Variants in ZNRF2 observed in about 807,000 individuals in gnomAD.
ZNRF2 encodes the protein zinc and ring finger 2.
In ZNRF2, 16 loss-of-function variants were observed where a neutral mutation model predicts 20.4. The observed-to-expected ratio is 0.79, with a 90% confidence interval of 0.53 to 1.19. The LOEUF (loss-of-function observed/expected upper bound fraction) is 1.19, where lower values mean the gene tolerates loss of function less well. ZNRF2 is among the 50% of genes most tolerant of loss of function. ZNRF2 has a pLI of 0.00. For synonymous variants in ZNRF2, 178 were observed against 144.9 expected, an observed-to-expected ratio of 1.23 and a Z score of -1.64; for missense variants, 363 against 332.4, an observed-to-expected ratio of 1.09 and a Z score of -0.72.
At chr7:30,345,767 A>G (rs1799866770) in intron 2 of ZNRF2, among the ~76,000 whole-genome samples, 1 of 152,070 alleles carries the variant, frequency 6.6e-6, no homozygotes, top group Non-Finnish European at 1.5e-5. Context: ...CCCACCCTCC[A>G]CTGCCTCTCT....
chr7:30,315,179 T>C (rs1438518412), intron 1 of ZNRF2, among the ~76,000 whole-genome samples: 3 of 152,164 alleles, frequency 2.0e-5, no homozygotes, highest in African/African-American at 7.2e-5. Flanking sequence ...GATTTGCTCA[T>C]GGTACCTAAG....
chr7:30,355,626 G>A (rs1800024853), intron 2 of ZNRF2, 102 bp from the exon 3 acceptor site: 2 of 844,856 alleles, frequency 2.4e-6, no homozygotes, highest in Non-Finnish European at 3.7e-6. Context: ...GATATGCCAA[G>A]TAAGGTGGAA....
intron 1 of ZNRF2, among the ~76,000 whole-genome samples, chr7:30,306,221 G>A (rs572424160): frequency 5.3e-5 from 8 of 152,204 alleles, no homozygotes; most frequent in South Asian, 4.1e-4. Flanking sequence ...CTTAAATGGC[G>A]GGTATAAAGC....
chr7:30,365,147 CTTTTTTTTTTT>C (rs533354831), intron 4 of ZNRF2, among the ~76,000 whole-genome samples: 27 of 70,326 alleles, frequency 3.8e-4, no homozygotes, highest in Admixed American at 6.9e-4. Flanking sequence ...AGCTGATAAG[CTTTTTTTTTTT>C]TTTTTTTTTT....
intron 1 of ZNRF2, among the ~76,000 whole-genome samples, chr7:30,306,760 T>C (rs929445713): frequency 6.6e-6 from 1 of 152,136 alleles, no homozygotes; most frequent in Non-Finnish European, 1.5e-5. Flanking sequence ...ATTACAGACT[T>C]TCTTTGCCTT....
intron 1 of ZNRF2, among the ~76,000 whole-genome samples, chr7:30,321,864 A>G (rs1360823979): frequency 6.6e-6 from 1 of 151,972 alleles, no homozygotes; most frequent in Non-Finnish European, 1.5e-5. Context: ...GTGTTTGGCC[A>G]TTATAGTTTT....
chr7:30,309,455 T>C (rs1799257258), intron 1 of ZNRF2, among the ~76,000 whole-genome samples: 1 of 152,224 alleles, frequency 6.6e-6, no homozygotes, highest in Admixed American at 6.5e-5. Flanking sequence ...AAAGACACCC[T>C]GACTCTTTAC....
rs1352853175 is a variant in ZNRF2, at chr7:30,321,559, T to G, written c.470-2083T>G. On this transcript the variant is annotated intron_variant, in intron 1 of 4. Transcript: ENST00000323037. Reference sequence around the variant, plus strand: ...AGAAATCCAGGTGGTTCTTTGTACGTACTGTTTTTCCCCTTAGGCTCTACT... The same window carrying G: ...AGAAATCCAGGTGGTTCTTTGTACGGACTGTTTTTCCCCTTAGGCTCTACT... Among the ~76,000 whole-genome samples the G allele has an allele frequency of 2.6e-5, 4 of 152,196 alleles. No homozygotes were observed. In the East Asian group the frequency reaches 7.7e-4, roughly 29 times the overall value.
Position 30,343,132 on chromosome 7 carries a change from G to C in ZNRF2, c.566-12596G>C, listed in dbSNP as rs1799821882. 3.3e-5 allele frequency among the ~76,000 whole-genome samples: 5 copies of C among 152,052 alleles called. No individual in the cohort carries two copies. In the South Asian group the frequency reaches 1.0e-3, roughly 32 times the overall value. ...AGACCCGACCAGCCTGGGCAACATA[G>C]TGAGACCGTATCTCTATTTAAAAAA... On this transcript the variant is annotated intron_variant, in intron 2 of 4. Transcript: ENST00000323037.
chr7:30,315,436 C>T (rs1799354726), intron 1 of ZNRF2, among the ~76,000 whole-genome samples: 1 of 151,958 alleles, frequency 6.6e-6, no homozygotes, highest in African/African-American at 2.4e-5. Context: ...GAAAAGAGTC[C>T]TAGTTCTGGC....
chr7:30,331,087 A>G (rs1428326694), intron 2 of ZNRF2, among the ~76,000 whole-genome samples: 9 of 152,172 alleles, frequency 5.9e-5, no homozygotes, highest in Admixed American at 2.6e-4. Context: ...AATCTCTTCT[A>G]CTGCCTTACA....
At chr7:30,315,735 G>GGA (rs1554294860) in intron 1 of ZNRF2, among the ~76,000 whole-genome samples, 5 of 94,490 alleles carry the variant, frequency 5.3e-5, no homozygotes, top group African/African-American at 1.8e-4. Flanking sequence ...GGCGGGGGGG[G>GGA]GGGGGTTGGG....
At chr7:30,317,794 G>C (rs1272283760) in intron 1 of ZNRF2, among the ~76,000 whole-genome samples, 2 of 152,208 alleles carry the variant, frequency 1.3e-5, no homozygotes, top group African/African-American at 2.4e-5. Context: ...TAAACAGAGA[G>C]AGTGTAGGTT....
chr7:30,301,298 C>A (rs1464783525), intron 1 of ZNRF2, among the ~76,000 whole-genome samples: 1 of 152,146 alleles, frequency 6.6e-6, no homozygotes, highest in Non-Finnish European at 1.5e-5. Context: ...GCCTGGCCAA[C>A]ATGGTGAAAC....
chr7:30,322,112 G>A (rs888879405), intron 1 of ZNRF2, among the ~76,000 whole-genome samples: 1 of 151,946 alleles, frequency 6.6e-6, no homozygotes, highest in Non-Finnish European at 1.5e-5. Context: ...TGTTTTAATC[G>A]AATCCTCCTT....
intron 2 of ZNRF2, among the ~76,000 whole-genome samples, chr7:30,325,727 G>A (rs1799540762): frequency 6.6e-6 from 1 of 152,166 alleles, no homozygotes; most frequent in African/African-American, 2.4e-5. Flanking sequence ...CCATTCATTT[G>A]CTGATGAAAT....
At chr7:30,307,822 A>G (rs1030930841) in intron 1 of ZNRF2, among the ~76,000 whole-genome samples, 2 of 152,214 alleles carry the variant, frequency 1.3e-5, no homozygotes, top group African/African-American at 4.8e-5. Flanking sequence ...GAATGAGGCC[A>G]GATTTAGTGT....
chr7:30,364,890 C>G (rs1800184747), intron 4 of ZNRF2, among the ~76,000 whole-genome samples: 1 of 152,116 alleles, frequency 6.6e-6, no homozygotes, highest in Non-Finnish European at 1.5e-5. Flanking sequence ...AGTCTAAGAT[C>G]AAGGTTCCAG....
intron 2 of ZNRF2, among the ~76,000 whole-genome samples, chr7:30,324,455 A>G (rs959794677): frequency 4.0e-5 from 6 of 151,694 alleles, no homozygotes; most frequent in African/African-American, 7.3e-5. Context: ...AGGCTGAGGC[A>G]GGAGAATCGC....
Sources: gnomAD v4.1 joint callset for allele counts (sites outside exome capture counted in the v4.1 genomes callset) on GRCh38, gnomAD v4.1.1 for gene constraint, MANE v1.5 for transcripts, NCBI Gene and HGNC (gene_info 2026-07-23, HGNC 2026-07-21) for gene names.